FAF2: variants seen among roughly 807,000 people sequenced by gnomAD.
FAF2 encodes the protein FAS-associated factor 2.
Under a neutral mutation model 62.3 loss-of-function variants are expected in FAF2, and 9 were observed. That is an observed-to-expected ratio of 0.14 (90% CI 0.09 to 0.25). The LOEUF (loss-of-function observed/expected upper bound fraction) is 0.25, where lower values mean the gene tolerates loss of function less well. Ranked by LOEUF, FAF2 falls within the 10% of genes least tolerant of loss-of-function variation. FAF2 has a pLI of 1.00. For synonymous variants in FAF2, 202 were observed against 198.0 expected (o/e 1.02, Z -0.17); for missense variants, 368 against 556.2 (o/e 0.66, Z 3.40).
intron 1 of FAF2, among the ~76,000 whole-genome samples, chr5:176,473,542 GTCA>G (rs375529719): frequency 2.0e-5 from 3 of 152,264 alleles, no homozygotes; most frequent in Non-Finnish European, 4.4e-5. Context: ...TTGGAAGGAA[GTCA>G]TCATGCCTAG....
rs76007240 is a variant in FAF2, at chr5:176,482,933, T to C, written c.133-3422T>C. 6.2e-3 allele frequency among the ~76,000 whole-genome samples: 951 copies of C among 152,266 alleles called. 13 individuals carry two copies. Among genetic ancestry groups the C allele is most frequent in the African/African-American group, 0.022 (914 of 41,554 alleles). ...TTGTTGTTGTTTGTATTTTTAGTAG[T>C]GTTGGCCAGGATGGTCTTGGTCTCT... is the stretch of plus-strand genomic sequence containing the variant. On this transcript the variant is annotated intron_variant, in intron 2 of 10. Coordinates refer to ENST00000261942, the MANE Select transcript of FAF2 (RefSeq NM_014613.3).
intron 1 of FAF2, among the ~76,000 whole-genome samples, chr5:176,467,022 G>C (rs534511232): frequency 6.6e-6 from 1 of 152,120 alleles, no homozygotes; most frequent in African/African-American, 2.4e-5. Flanking sequence ...TATGGAAGGG[G>C]AGTCATCTCT....
At chr5:176,488,696 T>TA (rs1427595678) in intron 3 of FAF2, among the ~76,000 whole-genome samples, 1 of 152,180 alleles carries the variant, frequency 6.6e-6, no homozygotes, top group Admixed American at 6.6e-5. Flanking sequence ...GTGCTGGGAT[T>TA]ACAGGCAGGA....
At chr5:176,486,152 AC>A in intron 2 of FAF2, among the ~76,000 whole-genome samples, 1 of 152,320 alleles carries the variant, frequency 6.6e-6, no homozygotes, top group Admixed American at 6.5e-5. Flanking sequence ...CGTCTCCTCT[AC>A]CATGGATGCA....
At chr5:176,462,091 A>G (rs149682795) in intron 1 of FAF2, among the ~76,000 whole-genome samples, 2,019 of 152,230 alleles carry the variant, frequency 0.013, 38 homozygotes, top group East Asian at 0.069. Flanking sequence ...AGCCTGGCCA[A>G]TGTGGTGAAA....
chr5:176,481,400 G>A (rs1387354881), intron 2 of FAF2, among the ~76,000 whole-genome samples: 1 of 152,186 alleles, frequency 6.6e-6, no homozygotes, highest in East Asian at 2.0e-4. Flanking sequence ...GCTCACGCCT[G>A]TAATCCCAGC....
chr5:176,470,427 AT>A (rs1219036662), intron 1 of FAF2, among the ~76,000 whole-genome samples: 1 of 152,264 alleles, frequency 6.6e-6, no homozygotes, highest in Non-Finnish European at 1.5e-5. Context: ...AAAATGCAAA[AT>A]TAGCGGGGCG....
intron 1 of FAF2, among the ~76,000 whole-genome samples, chr5:176,474,111 T>C (rs1017002626): frequency 6.6e-6 from 1 of 152,208 alleles, no homozygotes; most frequent in African/African-American, 2.4e-5. Context: ...GATGTACATG[T>C]ATGTATACTA....
At position 176,494,911 on chromosome 5, in the gene FAF2, G is replaced by C. The variant is rs111928421; in HGVS notation, c.661+636G>C. Among the ~76,000 whole-genome samples the C allele has an allele frequency of 3.0e-3, 456 of 152,276 alleles. 2 individuals carry two copies. Among genetic ancestry groups the C allele is most frequent in the African/African-American group, 0.01 (436 of 41,550 alleles). The stretch of plus-strand genomic sequence containing the variant: ...TTCTAAAGCCCGTTCTTCACATTCA[G>C]CATTGCCAAAGCCTGCCACATTCAT... On this transcript the variant is annotated intron_variant, in intron 7 of 10. Coordinates refer to ENST00000261942, the MANE Select transcript of FAF2 (RefSeq NM_014613.3). This position sits in a 1 kb window ranked among gnomAD's most constrained non-coding sequence, Gnocchi z 4.0.
chr5:176,481,991 C>G (rs1448794728), intron 2 of FAF2, among the ~76,000 whole-genome samples: 1 of 152,096 alleles, frequency 6.6e-6, no homozygotes, highest in African/African-American at 2.4e-5. Flanking sequence ...GTAGGAAGGT[C>G]TGAATTTCTC....
intron 2 of FAF2, among the ~76,000 whole-genome samples, chr5:176,483,149 T>A (rs1581067848): frequency 1.3e-5 from 2 of 152,166 alleles, no homozygotes; most frequent in South Asian, 4.1e-4. Context: ...CTTGAAGTCC[T>A]GGGCTCAAGA....
chr5:176,501,723 A>G (rs1353074192), intron 10 of FAF2, among the ~76,000 whole-genome samples: 1 of 152,050 alleles, frequency 6.6e-6, no homozygotes, highest in African/African-American at 2.4e-5. Flanking sequence ...TCATTTATGC[A>G]TTTATTTATA....
chr5:176,451,849 TATATATACAC>T lies in FAF2; in HGVS notation c.63+3387_63+3396del, dbSNP rs1758184045. Among the ~76,000 whole-genome samples the T allele has an allele frequency of 4.2e-5, 2 of 47,362 alleles. 1 individual carries two copies. 31.1% of individuals were successfully genotyped at this position (47,362 alleles called of 152,430 possible). A position where few individuals can be genotyped will look rare whatever the true frequency, so the allele number is the denominator to read the frequency against. ...ATATACATATATATATATACACACATATATATACACATATATATATACACACATATATATA... is the reference window on the plus strand; with the variant it reads ...ATATACATATATATATATACACACATATATATATATACACACATATATATA... On this transcript the variant is annotated intron_variant, in intron 1 of 10. Transcript: ENST00000261942.
intron 8 of FAF2, 91 bp from the exon 9 acceptor site, chr5:176,498,823 A>G (rs1755542489): frequency 8.7e-6 from 10 of 1,154,300 alleles, no homozygotes; most frequent in African/African-American, 1.5e-5. Context: ...ACATTTTTAC[A>G]CACACACACA....
intron 1 of FAF2, among the ~76,000 whole-genome samples, chr5:176,476,008 C>G (rs1257520885): frequency 6.6e-6 from 1 of 152,138 alleles, no homozygotes; most frequent in East Asian, 1.9e-4. Flanking sequence ...ATAATCCCAA[C>G]ACATTGGGAG....
At chr5:176,499,361 A>C (rs1415392338) in intron 9 of FAF2, among the ~76,000 whole-genome samples, 1 of 152,186 alleles carries the variant, frequency 6.6e-6, no homozygotes, top group African/African-American at 2.4e-5. Context: ...TCCTGACCTC[A>C]CATGATCTGC....
intron 1 of FAF2, among the ~76,000 whole-genome samples, chr5:176,463,733 T>G (rs1360142518): frequency 2.0e-5 from 3 of 151,630 alleles, no homozygotes; most frequent in Non-Finnish European, 2.9e-5. Flanking sequence ...TGTTTTTTTT[T>G]TTTTTTTTTT....
intron 1 of FAF2, among the ~76,000 whole-genome samples, chr5:176,467,522 G>A (rs527433090): frequency 2.6e-5 from 4 of 152,216 alleles, no homozygotes; most frequent in South Asian, 2.1e-4. Flanking sequence ...ATACAGAACC[G>A]GGTTTTGCCA....
At chr5:176,501,062 G>T (rs1391310338) in intron 10 of FAF2, among the ~76,000 whole-genome samples, 1 of 151,996 alleles carries the variant, frequency 6.6e-6, no homozygotes, top group African/African-American at 2.4e-5. Flanking sequence ...GGGAGACGGA[G>T]GTAGCAGTGA....
Sources: allele counts gnomAD v4.1 joint callset (sites outside exome capture counted in the v4.1 genomes callset), GRCh38; gene constraint gnomAD v4.1.1; non-coding constraint Gnocchi (gnomAD v3.1); transcripts MANE v1.5; gene names NCBI Gene and HGNC (gene_info 2026-07-23, HGNC 2026-07-21).